Variants in PDE4D observed in about 807,000 individuals in gnomAD.
PDE4D encodes the protein phosphodiesterase 4D.
A neutral mutation model predicts 87.4 loss-of-function variants in PDE4D; 24 were observed. That is an observed-to-expected ratio of 0.27 (90% CI 0.20 to 0.39). The LOEUF (loss-of-function observed/expected upper bound fraction) is 0.39, where lower values mean the gene tolerates loss of function less well. Ranked by LOEUF, PDE4D falls within the 10% of genes least tolerant of loss-of-function variation. The pLI, the probability that PDE4D is intolerant of heterozygous loss-of-function variation, is 1.00. For synonymous variants in PDE4D, 384 were observed against 383.2 expected, an observed-to-expected ratio of 1.00 and a Z score of -0.02; for missense variants, 714 against 1,041.0, an observed-to-expected ratio of 0.69 and a Z score of 4.32.
chr5:60,096,829 G>A (rs1207394031), intron 2 of PDE4D, among the ~76,000 whole-genome samples: 1 of 151,884 alleles, frequency 6.6e-6, no homozygotes, highest in African/African-American at 2.4e-5. Context: ...ATTGCTCCTG[G>A]GCCATTTACA....
At chr5:59,014,053 T>C (rs929767096) in intron 6 of PDE4D, among the ~76,000 whole-genome samples, 1 of 152,200 alleles carries the variant, frequency 6.6e-6, no homozygotes, top group Non-Finnish European at 1.5e-5. Flanking sequence ...AACCACATGA[T>C]TATCTCAATA....
intron 1 of PDE4D, among the ~76,000 whole-genome samples, chr5:59,251,820 T>G (rs1189527513): frequency 1.3e-5 from 2 of 152,082 alleles, no homozygotes; most frequent in Non-Finnish European, 2.9e-5. Context: ...ATGAGGTAAA[T>G]TTACACCAAG....
rs200181362 is a variant in PDE4D at position 59,755,683 on chromosome 5, T to TA, written c.455+137484dup. On this transcript the variant is annotated intron_variant, in intron 1 of 14. Transcript: ENST00000340635. ...TTGGCAATCACTCAATAGAAGGTCA[T>TA]AAAAAAAATCACACTGCACAAAATA... Among the ~76,000 whole-genome samples, 1,084 of 151,890 alleles carry TA rather than the reference T, an allele frequency of 7.1e-3. 11 individuals carry two copies. The highest frequency in any genetic ancestry group is 0.024 in the African/African-American group (1,007 of 41,444).
At chr5:59,819,298 A>AC (rs1377958820) in intron 1 of PDE4D, among the ~76,000 whole-genome samples, 1 of 152,156 alleles carries the variant, frequency 6.6e-6, no homozygotes, top group Non-Finnish European at 1.5e-5. Flanking sequence ...GCCTGGTAAA[A>AC]CTGAGTTCAT....
chr5:59,397,770 CA>C (rs1789726446), intron 1 of PDE4D, among the ~76,000 whole-genome samples: 1 of 115,000 alleles, frequency 8.7e-6, no homozygotes, highest in Non-Finnish European at 1.8e-5. Flanking sequence ...AAAAACCCTT[CA>C]AAAAATTAAT....
chr5:60,406,162 G>A (rs1741513674), intron 1 of PDE4D, among the ~76,000 whole-genome samples: 1 of 152,090 alleles, frequency 6.6e-6, no homozygotes, highest in Admixed American at 6.5e-5. Flanking sequence ...CAGTGACATA[G>A]AATGGATAAG....
At chr5:59,625,489 A>G (rs945253810) in intron 1 of PDE4D, among the ~76,000 whole-genome samples, 12 of 152,022 alleles carry the variant, frequency 7.9e-5, no homozygotes, top group African/African-American at 2.4e-4. Flanking sequence ...TTTCTGACCT[A>G]AAGAGCTGCG....
Position 59,325,123 on chromosome 5 carries a change from C to T in PDE4D, c.456-109155G>A, listed in dbSNP as rs567739527. Reference sequence around the variant, plus strand: ...CACAGAAATCCTACTGTACCAAATTCAGAAGCCTCTAGAAAAGTGACCTAA... The same window carrying T: ...CACAGAAATCCTACTGTACCAAATTTAGAAGCCTCTAGAAAAGTGACCTAA... On this transcript the variant is annotated intron_variant, in intron 1 of 14. Transcript: ENST00000340635. Among the ~76,000 whole-genome samples, 23 of 152,230 alleles carry T rather than the reference C, an allele frequency of 1.5e-4. 1 individual carries two copies. In the South Asian group the frequency reaches 4.6e-3, roughly 30 times the overall value.
At chr5:59,094,420 C>T (rs1329375865) in intron 5 of PDE4D, among the ~76,000 whole-genome samples, 1 of 151,428 alleles carries the variant, frequency 6.6e-6, no homozygotes, top group Non-Finnish European at 1.5e-5. Context: ...GGAGATCCAA[C>T]TAAGATAATG....
intron 1 of PDE4D, among the ~76,000 whole-genome samples, chr5:60,303,866 A>G (rs982749035): frequency 1.3e-5 from 2 of 152,182 alleles, no homozygotes; most frequent in Non-Finnish European, 2.9e-5. Flanking sequence ...TTCTGTCTCA[A>G]TGATCTGTCT....
At chr5:59,119,806 T>C (rs903162672) in intron 5 of PDE4D, among the ~76,000 whole-genome samples, 11 of 152,184 alleles carry the variant, frequency 7.2e-5, no homozygotes, top group African/African-American at 2.7e-4. Flanking sequence ...TATGAAGTGC[T>C]AGAGACAAGA....
At chr5:59,351,073 G>A (rs1011975531) in intron 1 of PDE4D, among the ~76,000 whole-genome samples, 2 of 152,228 alleles carry the variant, frequency 1.3e-5, no homozygotes, top group Non-Finnish European at 2.9e-5. Context: ...TTTGTGAAAT[G>A]TTAGTGAAGA....
At chr5:60,048,035 G>T (rs1392200417) in intron 2 of PDE4D, among the ~76,000 whole-genome samples, 1 of 152,130 alleles carries the variant, frequency 6.6e-6, no homozygotes, top group Non-Finnish European at 1.5e-5. Context: ...CTTGCTTTAT[G>T]CATCTGGGTG....
At chr5:59,445,180 G>A (rs1188482704) in intron 1 of PDE4D, among the ~76,000 whole-genome samples, 1 of 151,994 alleles carries the variant, frequency 6.6e-6, no homozygotes, top group African/African-American at 2.4e-5. Flanking sequence ...CATTTGTTAT[G>A]TATCAAAAAT....
At chr5:59,336,673 G>T (rs1474236690) in intron 1 of PDE4D, among the ~76,000 whole-genome samples, 3 of 152,138 alleles carry the variant, frequency 2.0e-5, no homozygotes, top group African/African-American at 7.2e-5. Context: ...TTGTTTTGAG[G>T]TATAACCAAA....
chr5:58,991,491 T>C (rs1435215145), intron 8 of PDE4D, among the ~76,000 whole-genome samples: 1 of 152,222 alleles, frequency 6.6e-6, no homozygotes, highest in Non-Finnish European at 1.5e-5. Context: ...TATGTACTTT[T>C]TAAGTATCAA....
intron 2 of PDE4D, among the ~76,000 whole-genome samples, chr5:60,072,025 C>T (rs904453466): frequency 3.3e-5 from 5 of 151,986 alleles, no homozygotes; most frequent in African/African-American, 1.2e-4. Flanking sequence ...TATTCCCTTG[C>T]GTATACATCC....
chr5:60,293,093 C>T (rs1346798655), intron 1 of PDE4D, among the ~76,000 whole-genome samples: 2 of 150,054 alleles, frequency 1.3e-5, no homozygotes, highest in South Asian at 2.1e-4. Context: ...GAAACCTCTG[C>T]CCCCCCAAGT....
At chr5:59,061,020 A>G (rs910890570) in intron 5 of PDE4D, among the ~76,000 whole-genome samples, 1 of 152,142 alleles carries the variant, frequency 6.6e-6, no homozygotes. Flanking sequence ...ACACTTGAAT[A>G]ATAAGGATGT....
Sources: gnomAD v4.1 joint callset for allele counts (sites outside exome capture counted in the v4.1 genomes callset) on GRCh38, gnomAD v4.1.1 for gene constraint, MANE v1.5 for transcripts, NCBI Gene and HGNC (gene_info 2026-07-23, HGNC 2026-07-21) for gene names.